Variants in RTTN observed in about 807,000 individuals in gnomAD.
RTTN encodes the protein rotatin.
A neutral mutation model predicts 269.2 loss-of-function variants in RTTN; 182 were observed. The observed-to-expected ratio is 0.68, with a 90% CI of 0.60 to 0.76. The LOEUF (loss-of-function observed/expected upper bound fraction) is 0.76. Ranked by LOEUF, RTTN falls within the 30% of genes least tolerant of loss-of-function variation. RTTN has a pLI of 0.00. For missense variants in RTTN, 2,545 were observed against 2,608.6 expected, an observed-to-expected ratio of 0.98 and a Z score of 0.53; for synonymous variants, 1,006 against 963.5, an observed-to-expected ratio of 1.04 and a Z score of -0.82.
In RTTN at chr18:70,163,066, T is replaced by G. The variant is rs2060883251; in HGVS notation, c.1929+2996A>C. ...TTGCACCCATTAGGATGGTTACTAT[T>G]ATTAAAAAAAAAAAAAAAAAAAAAA... On this transcript the variant is annotated intron_variant, in intron 14 of 48. Transcript: ENST00000640769. Among the ~76,000 whole-genome samples the G allele has an allele frequency of 3.9e-5, 3 of 77,046 alleles. No homozygotes were observed. The Admixed American group carries it at 5.6e-4, about 14-fold the overall frequency. The allele number at this position is 77,046 out of a possible 152,430, so 50.5% of individuals were successfully genotyped here.
chr18:70,096,204 T>C (rs1036489575), intron 28 of RTTN, among the ~76,000 whole-genome samples: 2 of 152,186 alleles, frequency 1.3e-5, no homozygotes, highest in African/African-American at 4.8e-5. Flanking sequence ...CCTCTACCCT[T>C]TATCCAAGGT....
chr18:70,183,736 G>T lies in RTTN; in HGVS notation c.1305+4372C>A, dbSNP rs192337797. ...TCCCGACGTTGCCAAACATCCTCTG[G>T]GAAGCAAAATTACCCCCCAGTTGAA... On this transcript the variant is annotated intron_variant, in intron 10 of 48. Transcript: ENST00000640769. 2.0e-5 allele frequency among the ~76,000 whole-genome samples: 3 copies of T among 152,086 alleles called. No individual in the cohort carries two copies. The East Asian group carries it at 5.8e-4, about 29-fold the overall frequency.
chr18:70,004,951 G>A (rs993953255), intron 48 of RTTN, among the ~76,000 whole-genome samples: 1 of 152,214 alleles, frequency 6.6e-6, no homozygotes, highest in Non-Finnish European at 1.5e-5. Flanking sequence ...AGTGGTCACT[G>A]TTGGCAAAGA....
intron 40 of RTTN, among the ~76,000 whole-genome samples, chr18:70,037,240 GGC>G (rs1351776366): frequency 6.6e-6 from 1 of 152,196 alleles, no homozygotes; most frequent in East Asian, 1.9e-4. Context: ...TATTAGGCTG[GGC>G]TTAGAGCCAC....
intron 32 of RTTN, among the ~76,000 whole-genome samples, chr18:70,077,877 A>C (rs1265741059): frequency 1.3e-5 from 2 of 151,912 alleles, no homozygotes; most frequent in African/African-American, 4.8e-5. Context: ...CATAGAAAAT[A>C]GTGCAAAAAG....
At chr18:70,120,282 TC>T (rs2059702703) in intron 26 of RTTN, among the ~76,000 whole-genome samples, 1 of 152,072 alleles carries the variant, frequency 6.6e-6, no homozygotes, top group African/African-American at 2.4e-5. Flanking sequence ...AACCTGGACT[TC>T]CTGCACCCCA....
chr18:70,026,385 C>G (rs1462865251), intron 43 of RTTN, among the ~76,000 whole-genome samples: 2 of 152,080 alleles, frequency 1.3e-5, no homozygotes, highest in Admixed American at 1.3e-4. Flanking sequence ...GTGCTTTCCT[C>G]AAGACAGTGA....
intron 44 of RTTN, among the ~76,000 whole-genome samples, chr18:70,023,486 C>T (rs1344213490): frequency 6.6e-6 from 1 of 152,198 alleles, no homozygotes; most frequent in Non-Finnish European, 1.5e-5. Flanking sequence ...ATTCCTACTA[C>T]TTTCTCACTT....
rs760364554 is a variant in RTTN, at chr18:70,150,750, A to G, written c.1930-17T>C. ...TAAACATTCCTGTAAAATAATATTAAAAAGTATTTTTAAATTAGCAACACT... is the reference window on the plus strand; with the variant it reads ...TAAACATTCCTGTAAAATAATATTAGAAAGTATTTTTAAATTAGCAACACT... On this transcript the variant is annotated splice_polypyrimidine_tract_variant and intron_variant, in intron 14 of 48. Transcript: ENST00000640769. The G allele has an allele frequency of 1.9e-6, 3 of 1,543,424 alleles. No individual in the cohort carries two copies. Among genetic ancestry groups the G allele is most frequent in the African/African-American group, 2.8e-5 (2 of 72,226 alleles).
rs201522198 is a variant in RTTN at position 70,145,808 on chromosome 18, G to A, written c.2310-25C>T. The A allele has an allele frequency of 6.2e-4, 975 of 1,561,606 alleles. 2 individuals carry two copies. The highest frequency in any genetic ancestry group is 7.9e-4 in the Non-Finnish European group (916 of 1,155,444). On this transcript the variant is annotated intron_variant, in intron 17 of 48. Transcript: ENST00000640769. ...CCTGAGAACACAAAGTACTTAAGTC[G>A]AACTTTCGTGATATGCAAATGTCTA...
intron 14 of RTTN, among the ~76,000 whole-genome samples, chr18:70,162,909 A>G (rs1168284658): frequency 6.7e-6 from 1 of 149,918 alleles, no homozygotes; most frequent in African/African-American, 2.4e-5. Flanking sequence ...AAAAAACAGA[A>G]ACTAATGAAA....
intron 18 of RTTN, among the ~76,000 whole-genome samples, chr18:70,143,457 A>T (rs1403079332): frequency 6.6e-6 from 1 of 152,192 alleles, no homozygotes; most frequent in Non-Finnish European, 1.5e-5. Flanking sequence ...AACATGGATG[A>T]AGCCGGAGGC....
chr18:70,092,939 TTAAAAA>T, intron 28 of RTTN, 135 bp from the exon 29 acceptor site: 1 of 707,278 alleles, frequency 1.4e-6, no homozygotes, highest in South Asian at 4.0e-5. Context: ...GTTTATATAC[TTAAAAA>T]TGAATAAGAT....
At chr18:70,075,090 G>A (rs1369567916) in intron 33 of RTTN, 1 of 267,690 alleles carries the variant, frequency 3.7e-6, no homozygotes, top group Non-Finnish European at 6.9e-6. Flanking sequence ...TTATAACATA[G>A]AAAAATGCTT....
At chr18:70,063,310 G>C (rs989267914) in intron 35 of RTTN, among the ~76,000 whole-genome samples, 1 of 152,112 alleles carries the variant, frequency 6.6e-6, no homozygotes, top group Non-Finnish European at 1.5e-5. Context: ...AAGTATCTTC[G>C]GGTAGTATTA....
At chr18:70,126,456 T>C (rs2059867423) in intron 25 of RTTN, among the ~76,000 whole-genome samples, 1 of 152,120 alleles carries the variant, frequency 6.6e-6, no homozygotes, top group Admixed American at 6.6e-5. Context: ...GTAAATATAC[T>C]ACTGTAGACA....
At chr18:70,056,356 A>G (rs770870367) in intron 37 of RTTN, among the ~76,000 whole-genome samples, 8 of 152,198 alleles carry the variant, frequency 5.3e-5, no homozygotes, top group Non-Finnish European at 7.4e-5. Context: ...ACCTTGGACA[A>G]GTCACTCATC....
intron 28 of RTTN, among the ~76,000 whole-genome samples, chr18:70,098,767 A>G (rs1171740949): frequency 2.0e-5 from 3 of 152,104 alleles, no homozygotes; most frequent in Non-Finnish European, 4.4e-5. Flanking sequence ...TATATTAGGT[A>G]TATCTCCTGA....
intron 32 of RTTN, among the ~76,000 whole-genome samples, chr18:70,079,996 A>G (rs1159051216): frequency 6.6e-6 from 1 of 152,096 alleles, no homozygotes; most frequent in Non-Finnish European, 1.5e-5. Context: ...AAAGACTGTA[A>G]AAATGACCCT....
Sources: allele counts gnomAD v4.1 joint callset (sites outside exome capture counted in the v4.1 genomes callset), GRCh38; gene constraint gnomAD v4.1.1; transcripts MANE v1.5; gene names NCBI Gene and HGNC (gene_info 2026-07-23, HGNC 2026-07-21).